The following UBXN4 variants were observed in gnomAD, a reference collection of about 807,000 sequenced individuals.
UBXN4 encodes the protein UBX domain protein 4, also known as UBX domain-containing protein 4.
UBXN4 carries 35 observed loss-of-function variants against 66.2 expected under a neutral mutation model. The ratio of observed to expected loss-of-function variants is 0.53; its 90% CI spans 0.40 to 0.70. The LOEUF (loss-of-function observed/expected upper bound fraction) is 0.70. Among genes scored for constraint, UBXN4 ranks in the 30% least tolerant of loss-of-function variants. The pLI, the probability that UBXN4 is intolerant of heterozygous loss-of-function variation, is 0.00. For synonymous variants in UBXN4, 203 were observed against 204.5 expected (o/e 0.99, Z 0.06); for missense variants, 533 against 599.8 (o/e 0.89, Z 1.16).
At position 135,778,985 on chromosome 2, in the gene UBXN4, C is replaced by G; in HGVS notation, c.1091C>G (p.Thr364Ser). Residue 364 changes from threonine to serine, a missense_variant, in exon 11 of 13, where the codon ACC becomes AGC. Thr to Ser is a moderately conservative substitution (Grantham distance 58). This residue lies in a region of UBXN4 where 529 missense variants were observed against 580.1 expected (regional missense o/e 0.91). Transcript: ENST00000272638. ...ACTTACGGTAATTTTTCGTTAGCAA[C>G]CATGTTTCCCAGGAGGGAATTTACC... ...GNTYGNFSLATMFPRREFTKE... is the reference protein window; with the variant it reads ...GNTYGNFSLASMFPRREFTKE... 6.2e-7 allele frequency: 1 copy of G among 1,612,926 alleles called. No homozygotes were observed. The highest frequency in any genetic ancestry group is 8.5e-7 in the Non-Finnish European group (1 of 1,179,582).
chr2:135,763,134 C>T (rs577394072), intron 6 of UBXN4, among the ~76,000 whole-genome samples: 62 of 152,304 alleles, frequency 4.1e-4, no homozygotes, highest in African/African-American at 1.5e-3. Flanking sequence ...AATCTTGTTC[C>T]TTTTGTGGAA....
At chr2:135,757,205 T>A (rs2077283457) in intron 5 of UBXN4, among the ~76,000 whole-genome samples, 1 of 152,192 alleles carries the variant, frequency 6.6e-6, no homozygotes, top group African/African-American at 2.4e-5. Context: ...TTATTTTTTC[T>A]TCTTTGGATT....
chr2:135,760,240 C>T (rs1017294994), intron 5 of UBXN4, among the ~76,000 whole-genome samples: 2 of 151,948 alleles, frequency 1.3e-5, no homozygotes, highest in Non-Finnish European at 2.9e-5. Flanking sequence ...AGACCAGCCT[C>T]GGCAGTGTGA....
chr2:135,781,533 C>T (rs2077448897), intron 12 of UBXN4, among the ~76,000 whole-genome samples: 1 of 152,126 alleles, frequency 6.6e-6, no homozygotes, highest in South Asian at 2.1e-4. Context: ...TATGGAGAAG[C>T]CCTAGTCATG....
In UBXN4 at chr2:135,782,916, A is replaced by G; in HGVS notation, c.*29A>G. The G allele has an allele frequency of 1.9e-6, 3 of 1,579,278 alleles. No individual in the cohort carries two copies. Among genetic ancestry groups the G allele is most frequent in the South Asian group, 1.2e-5 (1 of 86,236 alleles). ...GACAAGTATAATATGTGCAATAATCATTGTTTCTCTTATGATTTAATTCAA... is the reference window on the plus strand; with the variant it reads ...GACAAGTATAATATGTGCAATAATCGTTGTTTCTCTTATGATTTAATTCAA... On this transcript the variant is annotated 3_prime_UTR_variant, in exon 13 of 13. Transcript: ENST00000272638.
chr2:135,746,069 G>A (rs2077205980), intron 1 of UBXN4, among the ~76,000 whole-genome samples: 2 of 151,754 alleles, frequency 1.3e-5, no homozygotes, highest in East Asian at 1.9e-4. Context: ...GTAGAGACGG[G>A]GTTTCACCGT....
intron 1 of UBXN4, 106 bp downstream of exon 1, chr2:135,742,117 C>T: frequency 2.2e-6 from 3 of 1,360,410 alleles, no homozygotes; most frequent in South Asian, 1.3e-5. Context: ...ACGCGGGCTC[C>T]TGTCGGCTCG....
chr2:135,782,472 C>G (rs1221390526), intron 12 of UBXN4, among the ~76,000 whole-genome samples: 1 of 152,166 alleles, frequency 6.6e-6, no homozygotes, highest in East Asian at 1.9e-4. Context: ...TCACACTCCT[C>G]TAATGCTTAT....
chr2:135,746,582 C>T (rs1273240829), intron 1 of UBXN4, among the ~76,000 whole-genome samples: 1 of 152,118 alleles, frequency 6.6e-6, no homozygotes, highest in Non-Finnish European at 1.5e-5. Flanking sequence ...TAAGTATCAG[C>T]TTTATTGAGC....
intron 2 of UBXN4, among the ~76,000 whole-genome samples, chr2:135,751,089 G>A (rs1218542464): frequency 1.4e-5 from 2 of 146,690 alleles, no homozygotes; most frequent in Admixed American, 1.4e-4. Flanking sequence ...TCCTGACCTC[G>A]TGATCCGCCC....
chr2:135,743,011 C>G (rs2077186637), intron 1 of UBXN4, among the ~76,000 whole-genome samples: 1 of 152,178 alleles, frequency 6.6e-6, no homozygotes, highest in Non-Finnish European at 1.5e-5. Flanking sequence ...CTCCCTGCCT[C>G]TACGGTTCTG....
At chr2:135,745,223 T>A (rs1404197444) in intron 1 of UBXN4, among the ~76,000 whole-genome samples, 1 of 152,202 alleles carries the variant, frequency 6.6e-6, no homozygotes, top group East Asian at 1.9e-4. Context: ...CTCTTCAGTC[T>A]CTTCTTGAGC....
At chr2:135,767,348 G>A (rs549913398) in intron 6 of UBXN4, among the ~76,000 whole-genome samples, 1 of 152,152 alleles carries the variant, frequency 6.6e-6, no homozygotes, top group East Asian at 1.9e-4. Flanking sequence ...GCGACAAAGT[G>A]AGACCTTGTC....
intron 6 of UBXN4, among the ~76,000 whole-genome samples, chr2:135,765,227 G>A (rs2077339964): frequency 6.9e-6 from 1 of 145,206 alleles, no homozygotes; most frequent in Admixed American, 6.9e-5. Flanking sequence ...TTTTTTCCCT[G>A]AGATGGAGTT....
chr2:135,785,046 A>C lies in UBXN4; in HGVS notation c.*2159A>C, dbSNP rs1276703766. 6.6e-6 allele frequency: 1 copy of C among 152,106 alleles called. No homozygotes were observed. Among genetic ancestry groups the C allele is most frequent in the African/African-American group, 2.4e-5 (1 of 41,408 alleles). The allele number at this position is 152,106 out of a possible 1,614,324, so 9.4% of individuals were successfully genotyped here. On this transcript the variant is annotated 3_prime_UTR_variant, in exon 13 of 13. Transcript: ENST00000272638. ...AATCTTTATTTTTTAAATAAATGGG[A>C]TCATATTATATATTCTACCTTGCAT...
chr2:135,755,307 C>G (rs1381438417), intron 4 of UBXN4, among the ~76,000 whole-genome samples: 1 of 152,156 alleles, frequency 6.6e-6, no homozygotes, highest in Non-Finnish European at 1.5e-5. Flanking sequence ...TGTGCTTTAA[C>G]AAATGTTTTT....
chr2:135,781,963 G>T (rs1487950737), intron 12 of UBXN4, among the ~76,000 whole-genome samples: 2 of 152,166 alleles, frequency 1.3e-5, no homozygotes, highest in African/African-American at 4.8e-5. Flanking sequence ...AGTTTCAGCT[G>T]CCTGGGAAGC....
In UBXN4 at chr2:135,751,022, A is replaced by ATT. The variant is rs34978778; in HGVS notation, c.186-2502_186-2501dup. On this transcript the variant is annotated intron_variant, in intron 2 of 12. Coordinates refer to ENST00000272638, the MANE Select transcript of UBXN4 (RefSeq NM_014607.4). ...AGGTGCCCGCCACCATGCCCGGCTAATTTTTTTTTTTTTTTTGTATTTTTA... is the reference window on the plus strand; with the variant it reads ...AGGTGCCCGCCACCATGCCCGGCTAATTTTTTTTTTTTTTTTTTGTATTTTTA... Among the ~76,000 whole-genome samples the ATT allele has an allele frequency of 1.3e-3, 167 of 125,760 alleles. 3 individuals carry two copies. The highest frequency in any genetic ancestry group is 2.7e-3 in the Admixed American group (33 of 12,318). 82.5% of individuals were successfully genotyped at this position (125,760 alleles called of 152,430 possible).
At chr2:135,769,674 T>A in intron 6 of UBXN4, 95 bp from the exon 7 acceptor site, 1 of 926,004 alleles carries the variant, frequency 1.1e-6, no homozygotes. Flanking sequence ...GTTTCTTTAT[T>A]TCTCCAATTG....
Sources: allele counts gnomAD v4.1 joint callset (sites outside exome capture counted in the v4.1 genomes callset), GRCh38; gene constraint gnomAD v4.1.1; regional missense constraint gnomAD v4.1.1; transcripts MANE v1.5; gene names NCBI Gene and HGNC (gene_info 2026-07-23, HGNC 2026-07-21).